Variants in GPC5 observed in about 807,000 individuals in gnomAD.
The protein encoded by GPC5 is glypican 5.
Under a neutral mutation model 53.9 loss-of-function variants are expected in GPC5, and 47 were observed. That is an observed-to-expected ratio of 0.87 (90% confidence interval 0.69 to 1.11). The LOEUF is 1.11. GPC5 is among the 50% of genes most tolerant of loss of function. GPC5 has a pLI of 0.00. For synonymous variants in GPC5, 286 were observed against 263.3 expected (o/e 1.09, Z -0.84); for missense variants, 748 against 713.1 (o/e 1.05, Z -0.56).
chr13:91,402,546 T>C (rs1206338357), intron 1 of GPC5, among the ~76,000 whole-genome samples: 1 of 152,230 alleles, frequency 6.6e-6, no homozygotes, highest in Non-Finnish European at 1.5e-5. Flanking sequence ...CCACTTGTAG[T>C]TCTGCTTCAT....
intron 6 of GPC5, among the ~76,000 whole-genome samples, chr13:91,981,966 G>A (rs141844636): frequency 1.3e-5 from 2 of 152,302 alleles, no homozygotes; most frequent in Admixed American, 1.3e-4. Flanking sequence ...AAGGAAGCAA[G>A]TTGGAAAGCG....
chr13:91,744,870 A>C (rs1392554443), intron 4 of GPC5, among the ~76,000 whole-genome samples: 1 of 152,124 alleles, frequency 6.6e-6, no homozygotes, highest in Non-Finnish European at 1.5e-5. Flanking sequence ...AGCATGTATT[A>C]ATATCATTAG....
intron 7 of GPC5, among the ~76,000 whole-genome samples, chr13:92,807,229 G>A (rs1243273218): frequency 5.3e-5 from 8 of 152,014 alleles, no homozygotes; most frequent in South Asian, 4.2e-4. Context: ...GAGCTTGTTC[G>A]CCAATAATTC....
At chr13:92,374,378 A>G (rs1181181259) in intron 7 of GPC5, among the ~76,000 whole-genome samples, 4 of 152,090 alleles carry the variant, frequency 2.6e-5, no homozygotes, top group Admixed American at 6.6e-5. Flanking sequence ...TGTAATGTAA[A>G]TACTTCCAAA....
Position 92,366,610 on chromosome 13 carries a change from G to C in GPC5, c.1561+221621G>C, listed in dbSNP as rs1326298257. 2.0e-5 allele frequency among the ~76,000 whole-genome samples: 3 copies of C among 148,104 alleles called. 1 individual carries two copies. Among genetic ancestry groups the C allele is most frequent in the African/African-American group, 8.0e-5 (3 of 37,564 alleles). Reference sequence around the variant, plus strand: ...CTTTATTTTTAAACATGTATTATCTGAACAGATATTCTCAGATTTGGGTGC... The same window carrying C: ...CTTTATTTTTAAACATGTATTATCTCAACAGATATTCTCAGATTTGGGTGC... On this transcript the variant is annotated intron_variant, in intron 7 of 7. Transcript: ENST00000377067.
At chr13:91,548,724 G>C (rs561782972) in intron 2 of GPC5, among the ~76,000 whole-genome samples, 21 of 152,298 alleles carry the variant, frequency 1.4e-4, no homozygotes, top group Admixed American at 2.6e-4. Flanking sequence ...GCCACAATAA[G>C]GCAGTGTGAT....
chr13:91,414,167 A>G (rs1360274387), intron 1 of GPC5, among the ~76,000 whole-genome samples: 1 of 152,142 alleles, frequency 6.6e-6, no homozygotes, highest in African/African-American at 2.4e-5. Flanking sequence ...GTGTTGTGGG[A>G]GGGACCCAGT....
intron 7 of GPC5, among the ~76,000 whole-genome samples, chr13:92,839,212 A>C (rs530973248): frequency 1.1e-4 from 16 of 152,334 alleles, no homozygotes; most frequent in Non-Finnish European, 2.4e-4. Flanking sequence ...ATATGTATTT[A>C]TGTATCTGTT....
intron 5 of GPC5, among the ~76,000 whole-genome samples, chr13:91,900,525 A>T (rs1314273090): frequency 1.3e-5 from 2 of 152,142 alleles, no homozygotes; most frequent in African/African-American, 4.8e-5. Flanking sequence ...TATAGTTATA[A>T]TTGATCATTT....
intron 7 of GPC5, among the ~76,000 whole-genome samples, chr13:92,291,176 C>T (rs888898473): frequency 6.6e-6 from 1 of 152,148 alleles, no homozygotes; most frequent in Admixed American, 6.5e-5. Context: ...AGGAGCGCCA[C>T]CCCCTGCTCC....
chr13:91,997,076 T>C lies in GPC5; in HGVS notation c.1401+89019T>C, dbSNP rs185168153. Among the ~76,000 whole-genome samples, 5 of 152,240 alleles carry C rather than the reference T, an allele frequency of 3.3e-5. No homozygotes were observed. The East Asian group carries it at 9.7e-4, about 29-fold the overall frequency. On this transcript the variant is annotated intron_variant, in intron 6 of 7. Coordinates refer to ENST00000377067, the MANE Select transcript of GPC5 (RefSeq NM_004466.6). ...CACACATTTTTTTATTTTTGGTACA[T>C]GTGAAGACACATTTCTATGGAGTAT... is the stretch of plus-strand genomic sequence containing the variant.
chr13:92,430,617 C>T (rs1877044217), intron 7 of GPC5, among the ~76,000 whole-genome samples: 1 of 152,088 alleles, frequency 6.6e-6, no homozygotes, highest in Admixed American at 6.6e-5. Flanking sequence ...GCCCACGTTA[C>T]AGGTAGAGAA....
intron 5 of GPC5, among the ~76,000 whole-genome samples, chr13:91,777,929 C>T (rs568262719): frequency 7.9e-5 from 12 of 152,238 alleles, no homozygotes; most frequent in Non-Finnish European, 1.5e-4. Flanking sequence ...ATATGCTTGG[C>T]ACCGCAATAG....
At chr13:92,768,002 C>T (rs765486042) in intron 7 of GPC5, among the ~76,000 whole-genome samples, 1 of 152,142 alleles carries the variant, frequency 6.6e-6, no homozygotes, top group African/African-American at 2.4e-5. Context: ...TGTAGAAACA[C>T]TTTTGGGTCC....
intron 7 of GPC5, among the ~76,000 whole-genome samples, chr13:92,508,739 G>A (rs189498546): frequency 2.2e-3 from 339 of 152,178 alleles, no homozygotes; most frequent in Non-Finnish European, 4.1e-3. Context: ...TCTCTTTACA[G>A]GCAATAAATT....
chr13:92,253,609 G>T (rs1469418783), intron 7 of GPC5, among the ~76,000 whole-genome samples: 1 of 152,066 alleles, frequency 6.6e-6, no homozygotes, highest in Non-Finnish European at 1.5e-5. Context: ...CTTCATGTGT[G>T]CAATAGAAGT....
chr13:92,289,066 C>CGAAG (rs2042976091), intron 7 of GPC5, among the ~76,000 whole-genome samples: 1 of 144,214 alleles, frequency 6.9e-6, no homozygotes, highest in African/African-American at 2.7e-5. Context: ...CCATTTATGT[C>CGAAG]AACAGGAGAA....
intron 7 of GPC5, among the ~76,000 whole-genome samples, chr13:92,197,170 C>T (rs1370672495): frequency 6.6e-6 from 1 of 151,970 alleles, no homozygotes; most frequent in East Asian, 1.9e-4. Flanking sequence ...TTCTTCTTCC[C>T]TTCACTCACA....
chr13:92,135,856 T>C (rs2041780069), intron 6 of GPC5, among the ~76,000 whole-genome samples: 1 of 152,168 alleles, frequency 6.6e-6, no homozygotes, highest in South Asian at 2.1e-4. Flanking sequence ...ACATGACACA[T>C]TGTAAAGCGC....
Sources: gnomAD v4.1 joint callset for allele counts (sites outside exome capture counted in the v4.1 genomes callset) on GRCh38, gnomAD v4.1.1 for gene constraint, MANE v1.5 for transcripts, NCBI Gene and HGNC (gene_info 2026-07-23, HGNC 2026-07-21) for gene names.